The following SLC25A13 variants were observed in gnomAD, a reference collection of about 807,000 sequenced individuals.
The protein encoded by SLC25A13 is solute carrier family 25 member 13, also known as electrogenic aspartate/glutamate antiporter SLC25A13, mitochondrial.
A neutral mutation model predicts 85.5 loss-of-function variants in SLC25A13; 70 were observed. That is an observed-to-expected ratio of 0.82 (90% CI 0.68 to 1.00). The LOEUF (loss-of-function observed/expected upper bound fraction) is 1.00. Ranked by LOEUF, SLC25A13 falls within the 50% of genes least tolerant of loss-of-function variation. The pLI, the probability that SLC25A13 is intolerant of heterozygous loss-of-function variation, is 0.00. For missense variants in SLC25A13, 765 were observed against 819.8 expected, an observed-to-expected ratio of 0.93 and a Z score of 0.82; for synonymous variants, 259 against 288.7, an observed-to-expected ratio of 0.90 and a Z score of 1.04.
intron 5 of SLC25A13, among the ~76,000 whole-genome samples, chr7:96,202,476 C>G (rs755714892): frequency 1.3e-5 from 2 of 152,184 alleles, no homozygotes; most frequent in African/African-American, 4.8e-5. Context: ...CTCAGGTCAG[C>G]TATCCTGTCT....
intron 14 of SLC25A13, among the ~76,000 whole-genome samples, chr7:96,145,022 T>C (rs1792722304): frequency 6.6e-6 from 1 of 152,182 alleles, no homozygotes; most frequent in Middle Eastern, 3.2e-3. Context: ...TTCTTCAAAT[T>C]GATCAATGCT....
chr7:96,201,484 C>T lies in SLC25A13; in HGVS notation c.468+7354G>A, dbSNP rs956643491. Reference sequence around the variant, plus strand: ...CCAAGAGCACGCCATTGCACTCCAGCCTGGGTGACAGAGTGAGACTCTGTC... The same window carrying T: ...CCAAGAGCACGCCATTGCACTCCAGTCTGGGTGACAGAGTGAGACTCTGTC... On this transcript the variant is annotated intron_variant, in intron 5 of 17. Transcript: ENST00000265631. Among the ~76,000 whole-genome samples the T allele has an allele frequency of 7.5e-5, 11 of 147,436 alleles. No homozygotes were observed. The Admixed American group carries it at 7.5e-4, about 10-fold the overall frequency.
intron 2 of SLC25A13, among the ~76,000 whole-genome samples, chr7:96,292,966 T>C (rs1799185816): frequency 6.6e-6 from 1 of 152,138 alleles, no homozygotes; most frequent in Admixed American, 6.6e-5. Context: ...GAGCCTGCAT[T>C]GCCAAGTCAA....
intron 3 of SLC25A13, among the ~76,000 whole-genome samples, chr7:96,246,071 C>G (rs1797178266): frequency 6.6e-6 from 1 of 152,220 alleles, no homozygotes; most frequent in Admixed American, 6.5e-5. Flanking sequence ...GGTTTATTCT[C>G]ATTACCACTG....
intron 13 of SLC25A13, among the ~76,000 whole-genome samples, chr7:96,165,551 T>G (rs1261262298): frequency 1.3e-5 from 2 of 152,200 alleles, no homozygotes; most frequent in African/African-American, 2.4e-5. Context: ...GCAAAGCACA[T>G]GAGTTGCACT....
At chr7:96,281,575 G>A (rs1292115130) in intron 2 of SLC25A13, among the ~76,000 whole-genome samples, 2 of 152,068 alleles carry the variant, frequency 1.3e-5, no homozygotes, top group African/African-American at 2.4e-5. Context: ...TCAGACAACT[G>A]GTTACCCTTG....
At chr7:96,196,193 A>T (rs543167203) in intron 5 of SLC25A13, among the ~76,000 whole-genome samples, 1 of 152,330 alleles carries the variant, frequency 6.6e-6, no homozygotes, top group Non-Finnish European at 1.5e-5. Flanking sequence ...ACTGTTAAAC[A>T]CCCTGTAGTG....
At chr7:96,243,581 T>C (rs1360278530) in intron 3 of SLC25A13, among the ~76,000 whole-genome samples, 2 of 152,066 alleles carry the variant, frequency 1.3e-5, no homozygotes, top group Non-Finnish European at 2.9e-5. Context: ...TTGTACTACA[T>C]AGCCAGGCTT....
chr7:96,121,073 G>T lies in SLC25A13; in HGVS notation c.*118C>A, dbSNP rs1380583048. 1.8e-6 allele frequency: 2 copies of T among 1,111,556 alleles called. No homozygotes were observed. The highest frequency in any genetic ancestry group is 1.8e-5 in the Admixed American group (1 of 54,738). The allele number at this position is 1,111,556 out of a possible 1,614,324, so 68.9% of individuals were successfully genotyped here. A position where few individuals can be genotyped will look rare whatever the true frequency, so the allele number is the denominator to read the frequency against. ...TGATTTCACATGATAAAAAAGCCTG[G>T]ACTTGAATTTAAACAAGAGATGGAC... On this transcript the variant is annotated 3_prime_UTR_variant, in exon 18 of 18. Transcript: ENST00000265631.
At chr7:96,318,663 A>G (rs1167556201) in intron 1 of SLC25A13, among the ~76,000 whole-genome samples, 1 of 152,250 alleles carries the variant, frequency 6.6e-6, no homozygotes, top group Admixed American at 6.5e-5. Flanking sequence ...CATTAAAACT[A>G]TTTAAAGGAA....
chr7:96,216,673 T>C (rs968948491), intron 4 of SLC25A13, among the ~76,000 whole-genome samples: 1 of 152,162 alleles, frequency 6.6e-6, no homozygotes, highest in Admixed American at 6.5e-5. Context: ...CTGTACGCTC[T>C]GACTTTAAGT....
At chr7:96,229,511 C>T (rs886661591) in intron 4 of SLC25A13, among the ~76,000 whole-genome samples, 2 of 152,146 alleles carry the variant, frequency 1.3e-5, no homozygotes, top group African/African-American at 4.8e-5. Flanking sequence ...CCCTTCCACG[C>T]TGTGGAAGCT....
At chr7:96,255,801 T>C (rs138299520) in intron 3 of SLC25A13, among the ~76,000 whole-genome samples, 121 of 151,948 alleles carry the variant, frequency 8.0e-4, no homozygotes, top group African/African-American at 2.9e-3. Context: ...TACAACTGCC[T>C]ACTAAAAAGA....
intron 3 of SLC25A13, among the ~76,000 whole-genome samples, chr7:96,241,900 T>TCTCACTCAGCAGAGGCTTAGAC (rs1254784961): frequency 1.3e-5 from 2 of 152,152 alleles, no homozygotes; most frequent in African/African-American, 4.8e-5. Context: ...CCTCGCTTAT[T>TCTCACTCAGCAGAGGCTTAGAC]CTCACTCAGC....
intron 2 of SLC25A13, 110 bp downstream of exon 2, chr7:96,296,788 T>C (rs948269532): frequency 4.3e-6 from 5 of 1,154,448 alleles, no homozygotes; most frequent in African/African-American, 1.5e-5. Context: ...GCTGACACTT[T>C]GGGACTTTTT....
intron 2 of SLC25A13, chr7:96,283,672 G>T: frequency 3.4e-6 from 1 of 294,336 alleles, no homozygotes. Flanking sequence ...ATAGCTTCCT[G>T]AAATGCATGA....
intron 2 of SLC25A13, among the ~76,000 whole-genome samples, chr7:96,284,581 G>A (rs2116961461): frequency 6.6e-6 from 1 of 152,238 alleles, no homozygotes; most frequent in Non-Finnish European, 1.5e-5. Flanking sequence ...CTAAACAGTT[G>A]ACATGGTTTG....
intron 3 of SLC25A13, among the ~76,000 whole-genome samples, chr7:96,261,007 C>G (rs141978657): frequency 6.6e-6 from 1 of 152,216 alleles, no homozygotes; most frequent in African/African-American, 2.4e-5. Flanking sequence ...ACTCTCCTAT[C>G]AACCCTCTCT....
intron 13 of SLC25A13, among the ~76,000 whole-genome samples, chr7:96,168,992 C>T (rs1793888982): frequency 6.6e-6 from 1 of 151,824 alleles, no homozygotes; most frequent in African/African-American, 2.4e-5. Flanking sequence ...CCTTTTTTTC[C>T]ATCCTGAACG....
Sources: allele counts gnomAD v4.1 joint callset (sites outside exome capture counted in the v4.1 genomes callset), GRCh38; gene constraint gnomAD v4.1.1; transcripts MANE v1.5; gene names NCBI Gene and HGNC (gene_info 2026-07-23, HGNC 2026-07-21).